Variants in NPAS2 observed in about 807,000 individuals in gnomAD.
NPAS2 encodes neuronal PAS domain-containing protein 2.
A neutral mutation model predicts 107.5 loss-of-function variants in NPAS2; 23 were observed. That is an observed-to-expected ratio of 0.21 (90% CI 0.15 to 0.30). The LOEUF (loss-of-function observed/expected upper bound fraction) is 0.30, where lower values mean the gene tolerates loss of function less well. Among genes scored for constraint, NPAS2 ranks in the 10% least tolerant of loss-of-function variants. NPAS2 has a pLI of 1.00. For missense variants in NPAS2, 756 were observed against 1,043.3 expected (o/e 0.72, Z 3.79); for synonymous variants, 403 against 417.5 (o/e 0.97, Z 0.42).
At chr2:100,955,092 G>A (rs1444385556) in intron 7 of NPAS2, among the ~76,000 whole-genome samples, 1 of 151,982 alleles carries the variant, frequency 6.6e-6, no homozygotes, top group African/African-American at 2.4e-5. Context: ...TTGCCAGGGT[G>A]GTCTCAAACT....
intron 1 of NPAS2, among the ~76,000 whole-genome samples, chr2:100,825,475 C>T (rs1676316962): frequency 6.6e-6 from 1 of 152,174 alleles, no homozygotes; most frequent in Admixed American, 6.5e-5. Flanking sequence ...TAGCACAGAA[C>T]CATTTCTAGT....
At chr2:100,925,400 C>G in intron 3 of NPAS2, 106 bp downstream of exon 3, 1 of 1,225,272 alleles carries the variant, frequency 8.2e-7, no homozygotes, top group South Asian at 1.4e-5. Flanking sequence ...CCAGCCAGGC[C>G]CAGCCTTACC....
At chr2:100,821,238 T>G in intron 1 of NPAS2, 1 of 1,292,264 alleles carries the variant, frequency 7.7e-7, no homozygotes, top group South Asian at 1.3e-5. Context: ...TCATAAATAA[T>G]TAGTAACTAG....
In NPAS2 at chr2:100,968,467, G is replaced by C; in HGVS notation, c.1055+39G>C. 6.3e-6 allele frequency: 10 copies of C among 1,599,310 alleles called. No individual in the cohort carries two copies. The South Asian group carries it at 1.1e-4, about 18-fold the overall frequency. ...GCAGGGGTGCGGCTGCGTCCTTGTCGCACCTGGGGGAGGGGTGCAGGATGG... is the reference window on the plus strand; with the variant it reads ...GCAGGGGTGCGGCTGCGTCCTTGTCCCACCTGGGGGAGGGGTGCAGGATGG... On this transcript the variant is annotated intron_variant, in intron 11 of 20. Transcript: ENST00000335681. This position sits in a 1 kb window ranked among gnomAD's most constrained non-coding sequence, Gnocchi z 5.3.
intron 1 of NPAS2, among the ~76,000 whole-genome samples, chr2:100,859,812 A>G (rs777817074): frequency 3.9e-5 from 6 of 152,188 alleles, no homozygotes; most frequent in Non-Finnish European, 5.9e-5. Context: ...TTTCAAACTT[A>G]AGAGAAAAGT....
At chr2:100,888,875 C>T (rs1265890620) in intron 1 of NPAS2, among the ~76,000 whole-genome samples, 1 of 152,114 alleles carries the variant, frequency 6.6e-6, no homozygotes, top group Non-Finnish European at 1.5e-5. Flanking sequence ...GAGGAGGAAT[C>T]GGGCCAGTGG....
At chr2:100,879,613 T>G (rs1204644459) in intron 1 of NPAS2, among the ~76,000 whole-genome samples, 2 of 152,176 alleles carry the variant, frequency 1.3e-5, no homozygotes, top group South Asian at 2.1e-4. Flanking sequence ...GTGTCTGACT[T>G]ACTTTGCTTA....
intron 1 of NPAS2, among the ~76,000 whole-genome samples, chr2:100,894,302 A>G (rs1296702216): frequency 1.3e-5 from 2 of 152,186 alleles, no homozygotes; most frequent in Non-Finnish European, 2.9e-5. Flanking sequence ...ATTTCACCTG[A>G]TAGTCATTCC....
chr2:100,841,111 T>C (rs1384014512), intron 1 of NPAS2, among the ~76,000 whole-genome samples: 1 of 152,122 alleles, frequency 6.6e-6, no homozygotes, highest in African/African-American at 2.4e-5. Flanking sequence ...TGGCATATAG[T>C]GAGCAAACAG....
chr2:100,870,189 G>A (rs535088881), intron 1 of NPAS2, among the ~76,000 whole-genome samples: 20 of 151,418 alleles, frequency 1.3e-4, no homozygotes, highest in South Asian at 4.2e-4. Flanking sequence ...GTGAGCCACC[G>A]CACCTGGCCC....
chr2:100,913,126 T>C (rs1196819968), intron 2 of NPAS2, among the ~76,000 whole-genome samples: 1 of 152,116 alleles, frequency 6.6e-6, no homozygotes, highest in Non-Finnish European at 1.5e-5. Context: ...AACATGAAAA[T>C]AGGATGCCTC....
At chr2:100,842,081 G>GTGCGCGCGCA (rs1553441796) in intron 1 of NPAS2, among the ~76,000 whole-genome samples, 1 of 148,798 alleles carries the variant, frequency 6.7e-6, no homozygotes, top group African/African-American at 2.5e-5. Flanking sequence ...GCATGTACGC[G>GTGCGCGCGCA]CACACACACA....
intron 1 of NPAS2, among the ~76,000 whole-genome samples, chr2:100,837,164 C>T (rs1302974809): frequency 2.6e-5 from 4 of 152,120 alleles, no homozygotes; most frequent in Non-Finnish European, 4.4e-5. Context: ...CCTGAATTCA[C>T]TTGAGTTCGG....
intron 1 of NPAS2, among the ~76,000 whole-genome samples, chr2:100,826,693 A>G (rs1284446683): frequency 7.0e-6 from 1 of 143,396 alleles, no homozygotes; most frequent in African/African-American, 2.9e-5. Flanking sequence ...ACATTTCAAG[A>G]TTTTCTAGGT....
At chr2:100,900,860 C>T (rs1019276041) in intron 1 of NPAS2, among the ~76,000 whole-genome samples, 7 of 151,632 alleles carry the variant, frequency 4.6e-5, no homozygotes, top group African/African-American at 1.7e-4. Flanking sequence ...TTCTTTTCCC[C>T]TCCCCTCCCC....
chr2:100,856,752 C>G (rs954723705), intron 1 of NPAS2, among the ~76,000 whole-genome samples: 4 of 152,096 alleles, frequency 2.6e-5, no homozygotes, highest in African/African-American at 9.7e-5. Context: ...AGAATCATAA[C>G]CCCTGTGAAT....
intron 1 of NPAS2, among the ~76,000 whole-genome samples, chr2:100,869,815 C>G (rs1214437516): frequency 1.3e-5 from 2 of 152,132 alleles, no homozygotes; most frequent in Non-Finnish European, 2.9e-5. Context: ...GCCGGGGCTC[C>G]CCTCCTGTGA....
chr2:100,861,794 T>C (rs1678959265), intron 1 of NPAS2, among the ~76,000 whole-genome samples: 1 of 152,194 alleles, frequency 6.6e-6, no homozygotes, highest in African/African-American at 2.4e-5. Context: ...ACAACAGATA[T>C]GAAAGCCTTT....
At chr2:100,821,035 G>A (rs1397073142) in intron 1 of NPAS2, 7 of 1,303,250 alleles carry the variant, frequency 5.4e-6, no homozygotes. Flanking sequence ...GGATGTATGC[G>A]TATGGTTTTG....
Sources: gnomAD v4.1 joint callset for allele counts (sites outside exome capture counted in the v4.1 genomes callset) on GRCh38, gnomAD v4.1.1 for gene constraint, Gnocchi (gnomAD v3.1) non-coding constraint, MANE v1.5 for transcripts, NCBI Gene and HGNC (gene_info 2026-07-23, HGNC 2026-07-21) for gene names.